Variants in ATF2 observed in about 807,000 individuals in gnomAD.
ATF2 encodes the protein cyclic AMP-dependent transcription factor ATF-2.
ATF2 carries 24 observed loss-of-function variants against 60.6 expected under a neutral mutation model. The ratio of observed to expected loss-of-function variants is 0.40; its 90% CI spans 0.29 to 0.56. ATF2 has a LOEUF of 0.56. Ranked by LOEUF, ATF2 falls within the 20% of genes least tolerant of loss-of-function variation. The pLI is 0.54. For synonymous variants in ATF2, 206 were observed against 215.4 expected, an observed-to-expected ratio of 0.96 and a Z score of 0.38; for missense variants, 433 against 607.7, an observed-to-expected ratio of 0.71 and a Z score of 3.02.
chr2:175,147,978 A>G (rs1208090165), intron 2 of ATF2: 4 of 152,144 alleles, frequency 2.6e-5, no homozygotes, highest in African/African-American at 9.7e-5. Flanking sequence ...CTCTTCAGGA[A>G]ATCTGTAGAA....
intron 10 of ATF2, among the ~76,000 whole-genome samples, chr2:175,102,190 A>T (rs1695358403): frequency 6.6e-6 from 1 of 152,162 alleles, no homozygotes; most frequent in South Asian, 2.1e-4. Flanking sequence ...AGATACAGAA[A>T]CTCCAAAAAA....
At chr2:175,110,936 A>T (rs545548735) in intron 10 of ATF2, among the ~76,000 whole-genome samples, 14 of 152,256 alleles carry the variant, frequency 9.2e-5, no homozygotes, top group African/African-American at 3.4e-4. Flanking sequence ...GAATCGTCAG[A>T]TCTTCTACTA....
chr2:175,074,794 T>A lies in ATF2; in HGVS notation c.1333A>T (p.Ser445Cys). The A allele has an allele frequency of 6.2e-7, 1 of 1,613,546 alleles. No homozygotes were observed. The highest frequency in any genetic ancestry group is 8.5e-7 in the Non-Finnish European group (1 of 1,179,652). The stretch of plus-strand genomic sequence containing the variant: ...TGTATAGCTTCTGTATGTGGACTAC[T>A]CGGCACTGAAATGTCTTCTGAACTA... Reference protein sequence around the residue: ...DDSSEDISVPSSPHTEAIQHS... With the variant: ...DDSSEDISVPCSPHTEAIQHS... The change falls in exon 14 of 14, where the codon AGT becomes TGT. Residue 445 changes from serine to cysteine, a missense_variant. Physicochemically the swap from Ser to Cys is moderately radical, Grantham distance 112 (BLOSUM62 -1). Transcript: ENST00000264110.
intron 12 of ATF2, among the ~76,000 whole-genome samples, chr2:175,084,630 A>G (rs370867013): frequency 2.0e-5 from 3 of 151,220 alleles, no homozygotes; most frequent in East Asian, 3.9e-4. Flanking sequence ...TGTACGCTAA[A>G]ACTTAAAGTA....
At chr2:175,096,248 T>C (rs1303746381) in intron 11 of ATF2, among the ~76,000 whole-genome samples, 1 of 152,192 alleles carries the variant, frequency 6.6e-6, no homozygotes, top group African/African-American at 2.4e-5. Context: ...AGAAAAGCAC[T>C]GCAGGCATAT....
chr2:175,095,368 A>T (rs1215789448), intron 11 of ATF2, among the ~76,000 whole-genome samples: 1 of 152,210 alleles, frequency 6.6e-6, no homozygotes, highest in African/African-American at 2.4e-5. Flanking sequence ...CTGGGATTAT[A>T]GGCGTGAGCC....
chr2:175,102,429 A>G (rs1315934775), intron 10 of ATF2, among the ~76,000 whole-genome samples: 4 of 152,180 alleles, frequency 2.6e-5, no homozygotes, highest in African/African-American at 9.7e-5. Flanking sequence ...TAATATATGT[A>G]AATAAGGATT....
At chr2:175,149,555 A>G (rs1047190381) in intron 2 of ATF2, among the ~76,000 whole-genome samples, 6 of 152,226 alleles carry the variant, frequency 3.9e-5, no homozygotes, top group East Asian at 1.9e-4. Flanking sequence ...AATCTAAACA[A>G]CAACAACAAC....
intron 3 of ATF2, among the ~76,000 whole-genome samples, chr2:175,135,032 A>G (rs1018384510): frequency 1.5e-4 from 22 of 142,422 alleles, no homozygotes; most frequent in Non-Finnish European, 2.9e-4. Context: ...AAAAAAAAAA[A>G]GACCATCCTG....
intron 1 of ATF2, among the ~76,000 whole-genome samples, chr2:175,155,735 A>C (rs1453050359): frequency 6.6e-6 from 1 of 152,228 alleles, no homozygotes; most frequent in Non-Finnish European, 1.5e-5. Context: ...GTTTAATAAG[A>C]AAAAGGGACG....
intron 5 of ATF2, 115 bp from the exon 6 acceptor site, chr2:175,118,484 T>C: frequency 2.3e-6 from 2 of 852,946 alleles, no homozygotes; most frequent in Non-Finnish European, 3.5e-6. Flanking sequence ...AATTCTCTCT[T>C]TGGAAAGACC....
At chr2:175,107,896 T>G (rs1433058741) in intron 10 of ATF2, among the ~76,000 whole-genome samples, 2 of 152,140 alleles carry the variant, frequency 1.3e-5, no homozygotes, top group Admixed American at 1.3e-4. Context: ...TGGAGTGCAG[T>G]GGCGTGATCT....
intron 10 of ATF2, among the ~76,000 whole-genome samples, chr2:175,099,061 T>G (rs760425116): frequency 3.3e-5 from 5 of 151,910 alleles, no homozygotes; most frequent in Admixed American, 1.3e-4. Context: ...AAGTTACACA[T>G]AGCAAGTTAA....
chr2:175,143,409 T>G (rs193200489), intron 2 of ATF2, among the ~76,000 whole-genome samples: 39 of 152,316 alleles, frequency 2.6e-4, no homozygotes, highest in African/African-American at 9.4e-4. Context: ...GGCTATATAG[T>G]ACTCCATCAT....
chr2:175,106,905 C>T (rs528658878), intron 10 of ATF2, among the ~76,000 whole-genome samples: 74 of 152,036 alleles, frequency 4.9e-4, no homozygotes, highest in Non-Finnish European at 9.1e-4. Flanking sequence ...CTCTCATGCC[C>T]GTAATCCCAG....
At chr2:175,159,498 C>G (rs1168878073) in intron 1 of ATF2, among the ~76,000 whole-genome samples, 1 of 152,078 alleles carries the variant, frequency 6.6e-6, no homozygotes, top group Non-Finnish European at 1.5e-5. Flanking sequence ...CCACTCACAG[C>G]AGACATGAGA....
intron 3 of ATF2, among the ~76,000 whole-genome samples, chr2:175,131,738 CTAAA>C (rs560358191): frequency 3.0e-3 from 463 of 152,248 alleles, no homozygotes; most frequent in Middle Eastern, 0.014. Flanking sequence ...GTAAAACTTA[CTAAA>C]TAATGAGTGA....
At chr2:175,115,811 G>A (rs1213973598) in intron 7 of ATF2, among the ~76,000 whole-genome samples, 1 of 152,242 alleles carries the variant, frequency 6.6e-6, no homozygotes, top group East Asian at 1.9e-4. Flanking sequence ...AGAATAATAC[G>A]TGCAATGTAA....
At chr2:175,167,947 C>CG in intron 1 of ATF2, 103 bp downstream of exon 1, 1 of 351,214 alleles carries the variant, frequency 2.8e-6, no homozygotes, top group South Asian at 2.1e-5. Context: ...TGATGGGAAA[C>CG]GGGGGGTGGG....
Sources: gnomAD v4.1 joint callset for allele counts (sites outside exome capture counted in the v4.1 genomes callset) on GRCh38, gnomAD v4.1.1 for gene constraint, MANE v1.5 for transcripts, NCBI Gene and HGNC (gene_info 2026-07-23, HGNC 2026-07-21) for gene names.